The following CDK14 variants were observed in gnomAD, a reference collection of about 807,000 sequenced individuals.
CDK14 encodes the protein cyclin-dependent kinase 14.
CDK14 carries 34 observed loss-of-function variants against 60.7 expected under a neutral mutation model. That is an observed-to-expected ratio of 0.56 (90% CI 0.43 to 0.75). The LOEUF (loss-of-function observed/expected upper bound fraction) is 0.75, where lower values mean the gene tolerates loss of function less well. CDK14 is among the 30% of genes least tolerant of loss of function. CDK14 has a pLI of 0.00. For synonymous variants in CDK14, 197 were observed against 203.7 expected (o/e 0.97, Z 0.28); for missense variants, 482 against 564.1 (o/e 0.85, Z 1.47).
chr7:90,656,574 T>A (rs1356559496), intron 2 of CDK14, among the ~76,000 whole-genome samples: 1 of 152,068 alleles, frequency 6.6e-6, no homozygotes, highest in Non-Finnish European at 1.5e-5. Flanking sequence ...GAGATGGAGT[T>A]TCACCATATT....
chr7:91,148,513 A>G (rs1800724998), intron 14 of CDK14, among the ~76,000 whole-genome samples: 1 of 152,236 alleles, frequency 6.6e-6, no homozygotes, highest in African/African-American at 2.4e-5. Context: ...GGTAATAGTT[A>G]GCATTGGTGC....
chr7:91,040,247 T>C (rs1797051682), intron 10 of CDK14, among the ~76,000 whole-genome samples: 1 of 152,166 alleles, frequency 6.6e-6, no homozygotes, highest in Admixed American at 6.5e-5. Context: ...TTATCGTTTT[T>C]CCAGGTGGAG....
chr7:91,142,710 A>G (rs575520101), intron 14 of CDK14, among the ~76,000 whole-genome samples: 36 of 152,326 alleles, frequency 2.4e-4, no homozygotes, highest in Admixed American at 1.0e-3. Context: ...AAGTTGGTTT[A>G]TTCCATAGCA....
chr7:90,861,201 T>C (rs1790997259), intron 5 of CDK14, among the ~76,000 whole-genome samples: 1 of 152,100 alleles, frequency 6.6e-6, no homozygotes, highest in Non-Finnish European at 1.5e-5. Flanking sequence ...GAGCAAGATA[T>C]ATCAATGGGG....
intron 9 of CDK14, among the ~76,000 whole-genome samples, chr7:90,970,613 T>C (rs919836968): frequency 6.6e-6 from 1 of 152,212 alleles, no homozygotes; most frequent in Non-Finnish European, 1.5e-5. Context: ...TTTAAACATA[T>C]AATACAGCTT....
At chr7:90,693,674 G>C (rs1380102581) in intron 2 of CDK14, among the ~76,000 whole-genome samples, 4 of 152,130 alleles carry the variant, frequency 2.6e-5, no homozygotes, top group African/African-American at 9.7e-5. Flanking sequence ...GTGCTCCTAA[G>C]TCCCAGCGAC....
chr7:90,895,173 A>G (rs1013791172), intron 6 of CDK14, among the ~76,000 whole-genome samples: 8 of 152,060 alleles, frequency 5.3e-5, no homozygotes, highest in African/African-American at 1.7e-4. Flanking sequence ...AGCCCTTCCT[A>G]TGTCTTACAA....
chr7:90,843,703 A>G (rs1790374456), intron 5 of CDK14, among the ~76,000 whole-genome samples: 1 of 152,162 alleles, frequency 6.6e-6, no homozygotes, highest in South Asian at 2.1e-4. Context: ...TAGCAGAGCC[A>G]GGAGCAGTGT....
At chr7:91,157,703 T>C (rs769590797) in intron 14 of CDK14, among the ~76,000 whole-genome samples, 19 of 152,334 alleles carry the variant, frequency 1.2e-4, no homozygotes, top group South Asian at 4.1e-4. Context: ...GAGAAGTGAC[T>C]GTAATGATAC....
chr7:90,778,846 A>ACGTTCCTT (rs1554335031), intron 4 of CDK14, among the ~76,000 whole-genome samples: 1 of 127,864 alleles, frequency 7.8e-6, no homozygotes, highest in Non-Finnish European at 1.6e-5. Context: ...AAATTGACCG[A>ACGTTCCTT]CCTTCCTTCC....
intron 10 of CDK14, among the ~76,000 whole-genome samples, chr7:91,010,851 C>CCTTCCTTCCTTCTTT (rs1796139087): frequency 8.7e-6 from 1 of 115,160 alleles, no homozygotes; most frequent in African/African-American, 3.4e-5. Context: ...CTCCCTCCCT[C>CCTTCCTTCCTTCTTT]CCTCCCTCCC....
At chr7:90,930,782 A>G (rs540643813) in intron 8 of CDK14, among the ~76,000 whole-genome samples, 38 of 152,082 alleles carry the variant, frequency 2.5e-4, no homozygotes, top group Non-Finnish European at 5.4e-4. Flanking sequence ...ACTTTGTTTT[A>G]TCCTTATAAT....
At chr7:91,133,087 G>A (rs1759798762) in intron 14 of CDK14, among the ~76,000 whole-genome samples, 1 of 151,998 alleles carries the variant, frequency 6.6e-6, no homozygotes, top group South Asian at 2.1e-4. Flanking sequence ...GCAAAAAATG[G>A]AAAAGCGAGT....
chr7:91,137,693 G>GGT (rs1197264075), intron 14 of CDK14, among the ~76,000 whole-genome samples: 18 of 97,118 alleles, frequency 1.9e-4, no homozygotes, highest in Admixed American at 8.4e-4. Context: ...ACTTGTGGGG[G>GGT]GTGTGTGTGT....
At chr7:90,723,141 G>T (rs887388108) in intron 2 of CDK14, among the ~76,000 whole-genome samples, 1 of 152,116 alleles carries the variant, frequency 6.6e-6, no homozygotes, top group Non-Finnish European at 1.5e-5. Flanking sequence ...AGTTGGTTGA[G>T]AGGTTTTATT....
chr7:91,034,349 C>T (rs1425643821), intron 10 of CDK14, among the ~76,000 whole-genome samples: 1 of 152,028 alleles, frequency 6.6e-6, no homozygotes, highest in Non-Finnish European at 1.5e-5. Context: ...CACAGTCATT[C>T]GCACTTTTTT....
chr7:90,866,233 TACAC>T (rs3038210), intron 6 of CDK14, among the ~76,000 whole-genome samples: 15,146 of 140,290 alleles, frequency 0.11, 941 homozygotes, highest in East Asian at 0.23. Flanking sequence ...CACATACACA[TACAC>T]ACACACACAC....
chr7:90,666,596 A>C (rs1184008495), intron 2 of CDK14, among the ~76,000 whole-genome samples: 1 of 152,356 alleles, frequency 6.6e-6, no homozygotes, highest in East Asian at 1.9e-4. Context: ...GTTTGAAGAT[A>C]TCTGTCAATA....
At chr7:90,677,784 T>A (rs1028128757) in intron 2 of CDK14, among the ~76,000 whole-genome samples, 4 of 152,310 alleles carry the variant, frequency 2.6e-5, no homozygotes, top group African/African-American at 9.6e-5. Flanking sequence ...TTAGTGACAT[T>A]TACGAATCTT....
Sources: allele counts gnomAD v4.1 joint callset (sites outside exome capture counted in the v4.1 genomes callset), GRCh38; gene constraint gnomAD v4.1.1; transcripts MANE v1.5; gene names NCBI Gene and HGNC (gene_info 2026-07-23, HGNC 2026-07-21).